The following OR2A14 variants were observed in gnomAD, a reference collection of about 807,000 sequenced individuals.
The protein encoded by OR2A14 is olfactory receptor family 2 subfamily A member 14, also known as olfactory receptor 2A14.
Under a neutral mutation model 2.4 loss-of-function variants are expected in OR2A14, and 2 were observed. The ratio of observed to expected loss-of-function variants is 0.85; its 90% CI spans 0.35 to 2.67. The LOEUF (loss-of-function observed/expected upper bound fraction) is 2.67, where lower values mean the gene tolerates loss of function less well. Among genes scored for constraint, OR2A14 ranks in the 30% most tolerant of loss-of-function variants. The pLI, the probability that OR2A14 is intolerant of heterozygous loss-of-function variation, is 0.10. For synonymous variants in OR2A14, 160 were observed against 156.3 expected (o/e 1.02, Z -0.18); for missense variants, 390 against 379.4 (o/e 1.03, Z -0.23).
chr7:144,126,849 A>G (rs2951338), intron 1 of OR2A14, among the ~76,000 whole-genome samples: 80,614 of 151,812 alleles, frequency 0.53, 21,758 homozygotes, highest in East Asian at 0.74. Flanking sequence ...AATCACAACC[A>G]TTAGCTGACA....
At chr7:144,128,002 A>C (rs1881903) in intron 1 of OR2A14, among the ~76,000 whole-genome samples, 93,780 of 151,966 alleles carry the variant, frequency 0.62, 30,054 homozygotes, top group African/African-American at 0.78. Flanking sequence ...TCCCCATCAC[A>C]TGCTCAGATT....
intron 1 of OR2A14, among the ~76,000 whole-genome samples, chr7:144,124,786 G>C (rs935500815): frequency 7.9e-5 from 12 of 152,014 alleles, no homozygotes; most frequent in Admixed American, 7.2e-4. Flanking sequence ...TCTTCAGTAA[G>C]GGAGTGTGGT....
chr7:144,129,230 G>A lies in OR2A14; in HGVS notation c.118G>A (p.Gly40Arg), dbSNP rs776211677. 6.2e-7 allele frequency: 1 copy of A among 1,614,028 alleles called. No homozygotes were observed. Among genetic ancestry groups the A allele is most frequent in the South Asian group, 1.1e-5 (1 of 91,072 alleles). ...TGCCTTCTATACACTCACCCTGCTG[G>A]GGAATGGGGTCATCTTTGGGATTAT... ...FSAFYTLTLLGNGVIFGIICL... is the reference protein window; with the variant it reads ...FSAFYTLTLLRNGVIFGIICL... Residue 40 changes from glycine (G) to arginine (R), a missense_variant, in exon 2 of 2, where the codon GGG becomes AGG. Gly to Arg is a moderately radical substitution (Grantham distance 125, BLOSUM62 -2). Coordinates refer to ENST00000641068, the MANE Select transcript of OR2A14 (RefSeq NM_001001659.3).
intron 1 of OR2A14, among the ~76,000 whole-genome samples, chr7:144,126,442 G>A (rs535166243): frequency 9.2e-4 from 140 of 152,230 alleles, no homozygotes; most frequent in African/African-American, 3.3e-3. Context: ...TGCGTTTACT[G>A]TTCCATTACT....
intron 1 of OR2A14, among the ~76,000 whole-genome samples, chr7:144,124,190 C>A (rs2051465380): frequency 6.6e-6 from 1 of 152,156 alleles, no homozygotes. Context: ...CGGCCGGGTG[C>A]AGTGGCTCAC....
Position 144,129,954 on chromosome 7 carries a change from A to G in OR2A14, c.842A>G (p.Asn281Ser). 1 of 1,614,158 alleles carries G rather than the reference A, an allele frequency of 6.2e-7. No individual in the cohort carries two copies. Among genetic ancestry groups the G allele is most frequent in the Non-Finnish European group, 8.5e-7 (1 of 1,180,016 alleles). Residue 281 changes from asparagine to serine, a missense_variant, in exon 2 of 2, where the codon AAT becomes AGT. Transcript: ENST00000641068. ...KVLSLFYSLF[N>S]PMLNPLIYSL... The stretch of plus-strand genomic sequence containing the variant: ...CTTTCCCTGTTTTACAGCCTTTTCA[A>G]TCCAATGCTGAACCCCCTGATATAT...
chr7:144,128,956 T>TC, intron 1 of OR2A14, 123 bp from the exon 2 acceptor site: 1 of 616,724 alleles, frequency 1.6e-6, no homozygotes. Context: ...AATGCGATTT[T>TC]TTCTCATTTT....
chr7:144,128,616 G>A (rs2128807266), intron 1 of OR2A14, among the ~76,000 whole-genome samples: 1 of 152,306 alleles, frequency 6.6e-6, no homozygotes, highest in East Asian at 1.9e-4. Context: ...GGGACAGTGA[G>A]CAAGCCCATG....
Position 144,129,547 on chromosome 7 carries a change from G to C in OR2A14, c.435G>C (p.Val145=), listed in dbSNP as rs755535845. ...MSWRVCTVLA[V]ASWVFSFLLA... ...GGAGAGTGTGCACTGTCCTGGCTGTGGCTTCCTGGGTGTTCAGCTTCCTCC... is the reference window on the plus strand; with the variant it reads ...GGAGAGTGTGCACTGTCCTGGCTGTCGCTTCCTGGGTGTTCAGCTTCCTCC... Residue 145 remains valine (V), a synonymous_variant, in exon 2 of 2, where the codon GTG becomes GTC. Coordinates refer to ENST00000641068, the MANE Select transcript of OR2A14 (RefSeq NM_001001659.3). 2 of 1,614,068 alleles carry C rather than the reference G, an allele frequency of 1.2e-6. No homozygotes were observed. The highest frequency in any genetic ancestry group is 1.7e-6 in the Non-Finnish European group (2 of 1,179,964).
chr7:144,130,879 A>C lies in OR2A14; in HGVS notation c.*834A>C, dbSNP rs2051527162. On this transcript the variant is annotated 3_prime_UTR_variant, in exon 2 of 2. Coordinates refer to ENST00000641068, the MANE Select transcript of OR2A14 (RefSeq NM_001001659.3). ...ACAAAAGCAGCCATAGACAATGTGT[A>C]AACAAATGGGTGTGCCCGTGTTCCA... The C allele has an allele frequency of 6.6e-6, 1 of 152,238 alleles. No individual in the cohort carries two copies. Among genetic ancestry groups the C allele is most frequent in the Non-Finnish European group, 1.5e-5 (1 of 68,054 alleles). The allele number at this position is 152,238 out of a possible 1,614,324, so 9.4% of individuals were successfully genotyped here. A position where few individuals can be genotyped will look rare whatever the true frequency, so the allele number is the denominator to read the frequency against.
chr7:144,129,142 C>A lies in OR2A14; in HGVS notation c.30C>A (p.Asp10Glu). Residue 10 changes from aspartate (D) to glutamate (E), a missense_variant, in exon 2 of 2, where the codon GAC (aspartate) becomes GAA (glutamate). Transcript: ENST00000641068. MEGNKTWIT[D>E]ITLPRFQVGP... ...AAGGCAACAAGACATGGATCACAGA[C>A]ATCACCTTGCCGCGATTCCAGGTTG... 1 of 1,613,864 alleles carries A rather than the reference C, an allele frequency of 6.2e-7. No individual in the cohort carries two copies. The highest frequency in any genetic ancestry group is 8.5e-7 in the Non-Finnish European group (1 of 1,179,844).
chr7:144,124,592 C>G (rs1388877713), intron 1 of OR2A14, among the ~76,000 whole-genome samples: 1 of 152,162 alleles, frequency 6.6e-6, no homozygotes, highest in Admixed American at 6.5e-5. Context: ...CTTACAACCC[C>G]ACTGCTGGAG....
In OR2A14 at chr7:144,129,856, A is replaced by C; in HGVS notation, c.744A>C (p.Gly248=). 6.2e-7 allele frequency: 1 copy of C among 1,613,504 alleles called. No individual in the cohort carries two copies. Among genetic ancestry groups the C allele is most frequent in the Non-Finnish European group, 8.5e-7 (1 of 1,179,896 alleles). Residue 248 remains glycine, a synonymous_variant, in exon 2 of 2, where the codon GGA becomes GGC. Transcript: ENST00000641068. ...STCSSHLCVV[G]LFFGSAIVTY... ...GCTCCTCCCACCTTTGCGTGGTGGG[A>C]CTCTTCTTTGGCAGCGCCATTGTCA...
rs888556844 is a variant in OR2A14, at chr7:144,129,800, G to C, written c.688G>C (p.Gly230Arg). 3 of 1,613,944 alleles carry C rather than the reference G, an allele frequency of 1.9e-6. No homozygotes were observed. Among genetic ancestry groups the C allele is most frequent in the Non-Finnish European group, 2.5e-6 (3 of 1,180,028 alleles). Residue 230 changes from glycine to arginine, a missense_variant, in exon 2 of 2, where the codon GGG (glycine) becomes CGG (arginine). By Grantham distance (125) the Gly-to-Arg change is moderately radical. Transcript: ENST00000641068. ...GGCCGCCATCTTGAGGATCCAGTCT[G>C]GGGAGGGCCGCAGAAAGGCCTTCTC... The part of the protein sequence containing the change: ...ILAAILRIQS[G>R]EGRRKAFSTC...
intron 1 of OR2A14, 155 bp from the exon 2 acceptor site, chr7:144,128,924 A>G (rs763045539): frequency 8.8e-5 from 51 of 578,796 alleles, no homozygotes; most frequent in Non-Finnish European, 1.3e-4. Flanking sequence ...ACATGTATGT[A>G]TTCTTATTAT....
In OR2A14 at chr7:144,126,181, C is replaced by T. The variant is rs538633353; in HGVS notation, c.-34-2898C>T. 5.3e-5 allele frequency among the ~76,000 whole-genome samples: 8 copies of T among 152,286 alleles called. No individual in the cohort carries two copies. In the South Asian group the frequency reaches 1.7e-3, roughly 32 times the overall value. On this transcript the variant is annotated intron_variant, in intron 1 of 1. Coordinates refer to ENST00000641068, the MANE Select transcript of OR2A14 (RefSeq NM_001001659.3). ...CAGTTTCCTATTTCAAATATGTGCT[C>T]ATTGGAAGTTCTGTACATACATATC... is the stretch of plus-strand genomic sequence containing the variant.
intron 1 of OR2A14, among the ~76,000 whole-genome samples, chr7:144,126,223 C>T (rs1442362920): frequency 6.6e-6 from 1 of 152,144 alleles, no homozygotes; most frequent in Non-Finnish European, 1.5e-5. Flanking sequence ...CTGTATTCTG[C>T]TTTCATGAAT....
chr7:144,126,861 C>T (rs765313516), intron 1 of OR2A14, among the ~76,000 whole-genome samples: 3 of 151,950 alleles, frequency 2.0e-5, no homozygotes, highest in Non-Finnish European at 4.4e-5. Flanking sequence ...TAGCTGACAC[C>T]CCTTCCCCAC....
At chr7:144,124,536 C>A (rs1315113347) in intron 1 of OR2A14, among the ~76,000 whole-genome samples, 1 of 151,396 alleles carries the variant, frequency 6.6e-6, no homozygotes, top group Non-Finnish European at 1.5e-5. Flanking sequence ...TTGGAGATGG[C>A]AAGTTATTTC....
Sources: allele counts gnomAD v4.1 joint callset (sites outside exome capture counted in the v4.1 genomes callset), GRCh38; gene constraint gnomAD v4.1.1; transcripts MANE v1.5; gene names NCBI Gene and HGNC (gene_info 2026-07-23, HGNC 2026-07-21).